The following SUCLG1 variants were observed in gnomAD, a reference collection of about 807,000 sequenced individuals.
SUCLG1 encodes succinate--CoA ligase [ADP/GDP-forming] subunit alpha, mitochondrial.
A neutral mutation model predicts 37.3 loss-of-function variants in SUCLG1; 26 were observed. The observed-to-expected ratio is 0.70, with a 90% CI of 0.51 to 0.97. The LOEUF (loss-of-function observed/expected upper bound fraction) is 0.97. Ranked by LOEUF, SUCLG1 falls within the 50% of genes least tolerant of loss-of-function variation. The pLI is 0.00. For missense variants in SUCLG1, 433 were observed against 432.9 expected, an observed-to-expected ratio of 1.00 and a Z score of 0.00; for synonymous variants, 163 against 155.6, an observed-to-expected ratio of 1.05 and a Z score of -0.36.
chr2:84,448,714 T>C (rs1672888800), intron 2 of SUCLG1, among the ~76,000 whole-genome samples: 1 of 151,974 alleles, frequency 6.6e-6, no homozygotes, highest in Non-Finnish European at 1.5e-5. Flanking sequence ...AAGTTCAATT[T>C]AGCAGTAGCT....
intron 2 of SUCLG1, among the ~76,000 whole-genome samples, chr2:84,447,858 T>A (rs551402154): frequency 2.0e-5 from 3 of 152,114 alleles, no homozygotes; most frequent in African/African-American, 7.2e-5. Flanking sequence ...GCCTCCTGAG[T>A]AGCTGGGACC....
chr2:84,438,021 A>G (rs1040799051), intron 5 of SUCLG1, among the ~76,000 whole-genome samples: 1 of 152,320 alleles, frequency 6.6e-6, no homozygotes, highest in Middle Eastern at 3.4e-3. Context: ...AAATTATACA[A>G]TTGGAGAGTA....
intron 3 of SUCLG1, among the ~76,000 whole-genome samples, 156 bp from the exon 4 acceptor site, chr2:84,441,615 G>A (rs940994446): frequency 5.3e-5 from 8 of 152,152 alleles, no homozygotes; most frequent in African/African-American, 1.9e-4. Context: ...TACACTGTCA[G>A]AGTAGAACAG....
rs1246050542 is a variant in SUCLG1, at chr2:84,431,519, G to A, written c.814C>T (p.Gln272Ter). 8 of 1,613,812 alleles carry A rather than the reference G, an allele frequency of 5.0e-6. No individual in the cohort carries two copies. The African/African-American group carries it at 8.0e-5, about 16-fold the overall frequency. The change falls in exon 7 of 9, where the codon CAA becomes TAA. Residue 272 changes from glutamine to a stop codon, truncating the protein, a stop_gained. Transcript: ENST00000393868. LOFTEE classifies it high-confidence loss of function. The stretch of plus-strand genomic sequence containing the variant: ...AAACCCAAACTTACTGAATTATGTT[G>A]CTTCAAAAATTCTGCAGCATTCTCT... ...AEENAAEFLK[Q>*]HNSGPNSKPV...
At chr2:84,449,955 T>G (rs1044751512) in intron 1 of SUCLG1, among the ~76,000 whole-genome samples, 3 of 152,088 alleles carry the variant, frequency 2.0e-5, no homozygotes, top group Non-Finnish European at 4.4e-5. Flanking sequence ...CATTGTTCCA[T>G]TCTCCAGGAT....
At chr2:84,446,305 A>G (rs906985297) in intron 2 of SUCLG1, among the ~76,000 whole-genome samples, 1 of 152,244 alleles carries the variant, frequency 6.6e-6, no homozygotes, top group Non-Finnish European at 1.5e-5. Context: ...AAATTCCATG[A>G]AGACAGTGAT....
chr2:84,455,259 ATGAGGCGGGCGGATCACC>A (rs776294165), intron 1 of SUCLG1, among the ~76,000 whole-genome samples: 1 of 152,180 alleles, frequency 6.6e-6, no homozygotes, highest in Non-Finnish European at 1.5e-5. Flanking sequence ...AAAAGAAAAA[ATGAGGCGGGCGGATCACC>A]TGAGGTCAGG....
chr2:84,455,203 T>C (rs1480622522), intron 1 of SUCLG1, among the ~76,000 whole-genome samples: 1 of 152,140 alleles, frequency 6.6e-6, no homozygotes, highest in Non-Finnish European at 1.5e-5. Context: ...TTTCATCAAA[T>C]ATAAAACACC....
intron 5 of SUCLG1, among the ~76,000 whole-genome samples, chr2:84,437,049 G>C (rs939999676): frequency 2.6e-5 from 4 of 152,072 alleles, no homozygotes; most frequent in African/African-American, 4.8e-5. Context: ...TCCACCCCAC[G>C]TATGTCTCAT....
chr2:84,435,566 G>A (rs983161947), intron 5 of SUCLG1, among the ~76,000 whole-genome samples: 2 of 152,190 alleles, frequency 1.3e-5, no homozygotes, highest in African/African-American at 4.8e-5. Context: ...TCTGCAAGAA[G>A]GCAATGACTA....
chr2:84,441,275 A>T lies in SUCLG1; in HGVS notation c.503T>A (p.Ile168Asn), dbSNP rs1038752285. 2 of 1,614,118 alleles carry T rather than the reference A, an allele frequency of 1.2e-6. No homozygotes were observed. The highest frequency in any genetic ancestry group is 3.3e-5 in the Admixed American group (2 of 60,024). Residue 168 changes from isoleucine (I) to asparagine (N), a missense_variant, in exon 4 of 9, where the codon ATT becomes AAT. Ile to Asn is a moderately radical substitution (Grantham distance 149). Coordinates refer to ENST00000393868, the MANE Select transcript of SUCLG1 (RefSeq NM_003849.4). ...KLLRQEKTRL[I>N]GPNCPGVINP... is the part of the protein sequence containing the mutation. ...GATGACTCCAGGGCAGTTGGGCCCA[A>T]TTAGCCTTGTCTTTTCCTGGCGCAG...
intron 1 of SUCLG1, among the ~76,000 whole-genome samples, chr2:84,451,768 A>C (rs1484578621): frequency 1.3e-5 from 2 of 152,212 alleles, no homozygotes; most frequent in African/African-American, 4.8e-5. Context: ...AATCTTGGGA[A>C]ACCTCTAATG....
chr2:84,438,792 T>C (rs953681185), intron 5 of SUCLG1, among the ~76,000 whole-genome samples: 5 of 152,166 alleles, frequency 3.3e-5, no homozygotes, highest in Admixed American at 6.5e-5. Context: ...GTAGCTAGGA[T>C]TGTAAAACGC....
intron 3 of SUCLG1, among the ~76,000 whole-genome samples, 154 bp from the exon 4 acceptor site, chr2:84,441,613 C>CA (rs1311377706): frequency 1.4e-4 from 21 of 152,104 alleles, no homozygotes; most frequent in African/African-American, 5.1e-4. Flanking sequence ...GCTACACTGT[C>CA]AGAGTAGAAC....
chr2:84,440,040 A>C (rs1158803696), intron 5 of SUCLG1, among the ~76,000 whole-genome samples: 7 of 152,216 alleles, frequency 4.6e-5, no homozygotes, highest in Admixed American at 2.0e-4. Flanking sequence ...ACTCAAAACC[A>C]CAAGAGATAC....
intron 3 of SUCLG1, 80 bp from the exon 4 acceptor site, chr2:84,441,539 T>C: frequency 6.8e-7 from 1 of 1,459,990 alleles, no homozygotes. Context: ...ATCATTTTAA[T>C]AATGTCTTGG....
At chr2:84,453,149 C>A (rs1204574531) in intron 1 of SUCLG1, among the ~76,000 whole-genome samples, 1 of 152,106 alleles carries the variant, frequency 6.6e-6, no homozygotes, top group East Asian at 1.9e-4. Context: ...CAAATTGAAT[C>A]TTTACCTACA....
chr2:84,453,703 C>A (rs915809199), intron 1 of SUCLG1, among the ~76,000 whole-genome samples: 1 of 152,214 alleles, frequency 6.6e-6, no homozygotes, highest in Non-Finnish European at 1.5e-5. Context: ...AGGCAGGAGC[C>A]ACCATGCCCA....
intron 1 of SUCLG1, among the ~76,000 whole-genome samples, chr2:84,457,921 C>A (rs531895269): frequency 6.6e-6 from 1 of 152,142 alleles, no homozygotes; most frequent in East Asian, 1.9e-4. Context: ...AGACCTTTGT[C>A]CTCAAGTGAT....
Sources: gnomAD v4.1 joint callset for allele counts (sites outside exome capture counted in the v4.1 genomes callset) on GRCh38, gnomAD v4.1.1 for gene constraint, MANE v1.5 for transcripts, NCBI Gene and HGNC (gene_info 2026-07-23, HGNC 2026-07-21) for gene names.